TRMT10B: variants seen among roughly 807,000 people sequenced by gnomAD.
TRMT10B encodes the protein tRNA methyltransferase 10B.
Under a neutral mutation model 43.8 loss-of-function variants are expected in TRMT10B, and 33 were observed. The observed-to-expected ratio is 0.75, with a 90% confidence interval of 0.57 to 1.01. TRMT10B has a LOEUF of 1.01. Among genes scored for constraint, TRMT10B ranks in the 50% least tolerant of loss-of-function variants. TRMT10B has a pLI of 0.00. For synonymous variants in TRMT10B, 137 were observed against 130.6 expected (o/e 1.05, Z -0.34); for missense variants, 362 against 369.8 (o/e 0.98, Z 0.17).
At chr9:37,773,073 G>A (rs1827756290) in intron 7 of TRMT10B, among the ~76,000 whole-genome samples, 1 of 152,188 alleles carries the variant, frequency 6.6e-6, no homozygotes, top group African/African-American at 2.4e-5. Context: ...TAGTGAAGAA[G>A]TATTGTGATG....
At chr9:37,758,423 G>T (rs966605458) in intron 1 of TRMT10B, among the ~76,000 whole-genome samples, 1 of 152,088 alleles carries the variant, frequency 6.6e-6, no homozygotes, top group Non-Finnish European at 1.5e-5. Flanking sequence ...AAAAATAATA[G>T]TTTACAAATT....
At position 37,763,628 on chromosome 9, in the gene TRMT10B, G is replaced by C. The variant is rs138566241; in HGVS notation, c.296-1G>C. ...ATTTCTTTCTGATATTTCTGCTTTA[G>C]GCATTTGCCCCCAGCACAGCAAACG... On this transcript the variant is annotated splice_acceptor_variant, in intron 3 of 8. Transcript: ENST00000297994. LOFTEE classifies it high-confidence loss of function. 1 of 1,612,910 alleles carries C rather than the reference G, an allele frequency of 6.2e-7. No individual in the cohort carries two copies. Among genetic ancestry groups the C allele is most frequent in the Non-Finnish European group, 8.5e-7 (1 of 1,179,506 alleles).
chr9:37,757,590 ATCT>A (rs1268140146), intron 1 of TRMT10B, among the ~76,000 whole-genome samples: 1 of 152,250 alleles, frequency 6.6e-6, no homozygotes, highest in Non-Finnish European at 1.5e-5. Flanking sequence ...TTACTTGGTC[ATCT>A]TCAGGAATAT....
At chr9:37,776,165 CATT>C in intron 7 of TRMT10B, 114 bp from the exon 8 acceptor site, 1 of 886,452 alleles carries the variant, frequency 1.1e-6, no homozygotes, top group Non-Finnish European at 1.6e-6. Flanking sequence ...ACAGTTAACT[CATT>C]ATCTGCAGTT....
At chr9:37,763,896 C>T in intron 4 of TRMT10B, 143 bp downstream of exon 4, 6 of 1,525,016 alleles carry the variant, frequency 3.9e-6, no homozygotes, top group Non-Finnish European at 5.3e-6. Flanking sequence ...TACTGGGTTA[C>T]TAAGTTCCAA....
At chr9:37,769,880 G>C in intron 5 of TRMT10B, 61 bp from the exon 6 acceptor site, 1 of 1,363,980 alleles carries the variant, frequency 7.3e-7, no homozygotes, top group Non-Finnish European at 1.0e-6. Flanking sequence ...TGGGATTACA[G>C]ACGTGAGCCA....
intron 8 of TRMT10B, among the ~76,000 whole-genome samples, chr9:37,776,826 G>T (rs139994156): frequency 2.0e-5 from 3 of 149,718 alleles, no homozygotes; most frequent in African/African-American, 7.4e-5. Flanking sequence ...TTGAACCTGG[G>T]AAGTGGAGGT....
intron 1 of TRMT10B, 51 bp from the exon 2 acceptor site, chr9:37,761,852 C>A: frequency 7.7e-7 from 1 of 1,291,632 alleles, no homozygotes; most frequent in Admixed American, 2.3e-5. Context: ...TAGGGAGATA[C>A]CTATGTTAGT....
chr9:37,773,711 G>A (rs1280427732), intron 7 of TRMT10B, among the ~76,000 whole-genome samples: 4 of 152,082 alleles, frequency 2.6e-5, no homozygotes, highest in Non-Finnish European at 1.5e-5. Flanking sequence ...GCATGTGCCT[G>A]TAGTCCCAGC....
chr9:37,762,172 A>AC, intron 2 of TRMT10B, 55 bp downstream of exon 2: 1 of 1,531,544 alleles, frequency 6.5e-7, no homozygotes, highest in Non-Finnish European at 8.8e-7. Flanking sequence ...GTCTCAAGAC[A>AC]CCCCTGTTTT....
intron 4 of TRMT10B, chr9:37,763,984 T>C: frequency 3.3e-6 from 2 of 611,146 alleles, no homozygotes; most frequent in Non-Finnish European, 5.2e-6. Context: ...GTCTTCTGTT[T>C]TAAGCCCAAC....
At chr9:37,775,236 CAATG>C (rs1158128751) in intron 7 of TRMT10B, among the ~76,000 whole-genome samples, 2 of 152,220 alleles carry the variant, frequency 1.3e-5, no homozygotes, top group South Asian at 2.1e-4. Context: ...AGAGAACAGA[CAATG>C]AATGGGTGGT....
At chr9:37,755,439 A>G (rs1414553515) in intron 1 of TRMT10B, among the ~76,000 whole-genome samples, 1 of 152,158 alleles carries the variant, frequency 6.6e-6, no homozygotes, top group Non-Finnish European at 1.5e-5. Context: ...AAAAATGCTA[A>G]ATTTGGGCAT....
At chr9:37,763,398 C>T (rs186000622) in intron 3 of TRMT10B, among the ~76,000 whole-genome samples, 3 of 152,118 alleles carry the variant, frequency 2.0e-5, no homozygotes, top group East Asian at 1.9e-4. Context: ...ATAATTATGC[C>T]CAAGATAATG....
At chr9:37,777,550 G>T (rs1434965532) in intron 8 of TRMT10B, 51 bp from the exon 9 acceptor site, 2 of 1,414,652 alleles carry the variant, frequency 1.4e-6, no homozygotes, top group Admixed American at 1.7e-5. Context: ...TCATTTACTC[G>T]TTCTTTTTTT....
upstream of TRMT10B, among the ~76,000 whole-genome samples, chr9:37,753,293 G>A (rs900779405): frequency 6.6e-6 from 1 of 152,124 alleles, no homozygotes; most frequent in African/African-American, 2.4e-5. Context: ...TATGATATCA[G>A]GTTGGAATTT....
intron 7 of TRMT10B, among the ~76,000 whole-genome samples, chr9:37,775,441 C>T (rs1332745446): frequency 2.0e-5 from 3 of 152,290 alleles, no homozygotes; most frequent in South Asian, 2.1e-4. Context: ...TAAGGAACAT[C>T]TTATAAAGGG....
chr9:37,763,173 A>AAAAAC (rs1563991658), intron 3 of TRMT10B, among the ~76,000 whole-genome samples: 7 of 138,552 alleles, frequency 5.1e-5, no homozygotes, highest in Non-Finnish European at 7.7e-5. Context: ...AAACAAAAAA[A>AAAAAC]AAAATTTAAG....
chr9:37,754,887 A>AG (rs1433219892), intron 1 of TRMT10B, among the ~76,000 whole-genome samples: 6 of 152,208 alleles, frequency 3.9e-5, no homozygotes, highest in Non-Finnish European at 7.3e-5. Context: ...GAATGTGAGA[A>AG]GGGGACAAAC....
Sources: gnomAD v4.1 joint callset for allele counts (sites outside exome capture counted in the v4.1 genomes callset) on GRCh38, gnomAD v4.1.1 for gene constraint, MANE v1.5 for transcripts, NCBI Gene and HGNC (gene_info 2026-07-23, HGNC 2026-07-21) for gene names.